Variants in IFT43 observed in about 807,000 individuals in gnomAD.
The protein encoded by IFT43 is intraflagellar transport protein 43 homolog.
A neutral mutation model predicts 32.3 loss-of-function variants in IFT43; 33 were observed. The observed-to-expected ratio is 1.02, with a 90% CI of 0.77 to 1.37. IFT43 has a LOEUF of 1.37. Among genes scored for constraint, IFT43 ranks in the 40% most tolerant of loss-of-function variants. The probability of loss-of-function intolerance (pLI) is 0.00; values close to 1 mark genes in which losing one functional copy is unlikely to be tolerated. For missense variants in IFT43, 274 were observed against 265.9 expected (o/e 1.03, Z -0.21); for synonymous variants, 93 against 98.2 (o/e 0.95, Z 0.31).
At chr14:75,990,236 T>G (rs1005997163) in intron 2 of IFT43, among the ~76,000 whole-genome samples, 3 of 152,232 alleles carry the variant, frequency 2.0e-5, no homozygotes, top group African/African-American at 7.2e-5. Flanking sequence ...CTTCAAGAGA[T>G]GCTGGCAGTC....
intron 4 of IFT43, 192 bp from the exon 5 acceptor site, chr14:76,059,135 G>A: frequency 6.7e-7 from 1 of 1,497,502 alleles, no homozygotes; most frequent in Non-Finnish European, 8.9e-7. Context: ...CTGGAATAGT[G>A]CATCGCACAG....
At chr14:75,996,919 A>C (rs781663970) in intron 2 of IFT43, among the ~76,000 whole-genome samples, 1 of 152,206 alleles carries the variant, frequency 6.6e-6, no homozygotes, top group East Asian at 1.9e-4. Flanking sequence ...CTTGGAATAC[A>C]ATAATTAACC....
rs140777368 is a variant in IFT43, at chr14:76,052,305, A to G, written c.216-6337A>G. Among the ~76,000 whole-genome samples, 42 of 152,292 alleles carry G rather than the reference A, an allele frequency of 2.8e-4. No homozygotes were observed. In the East Asian group the frequency reaches 8.1e-3, roughly 29 times the overall value. ...GTATTCCATTAAACTCGAGAGAAAC[A>G]TTTTAACTGAGGTGATGTCTACATT... On this transcript the variant is annotated intron_variant, in intron 3 of 8. Coordinates refer to ENST00000314067, the MANE Select transcript of IFT43 (RefSeq NM_001102564.3).
chr14:76,027,087 G>A (rs192605070), intron 3 of IFT43, among the ~76,000 whole-genome samples: 86 of 152,166 alleles, frequency 5.7e-4, no homozygotes, highest in Non-Finnish European at 9.3e-4. Flanking sequence ...TTTGAAAGGT[G>A]GAGGGTGGGA....
At chr14:76,026,199 A>G (rs1401659158) in intron 3 of IFT43, among the ~76,000 whole-genome samples, 1 of 152,230 alleles carries the variant, frequency 6.6e-6, no homozygotes, top group African/African-American at 2.4e-5. Context: ...TGATCATTAG[A>G]GAAATGCAAA....
chr14:76,027,492 G>C (rs1322296129), intron 3 of IFT43, among the ~76,000 whole-genome samples: 1 of 152,080 alleles, frequency 6.6e-6, no homozygotes, highest in Non-Finnish European at 1.5e-5. Flanking sequence ...GGTGGATCAC[G>C]AGGTCAGGAG....
intron 4 of IFT43, chr14:76,059,053 G>A: frequency 7.0e-7 from 1 of 1,425,168 alleles, no homozygotes. Context: ...TGCTGTGAAG[G>A]TAGGGCCACC....
intron 1 of IFT43, among the ~76,000 whole-genome samples, chr14:75,986,844 G>A (rs182517495): frequency 5.5e-4 from 83 of 152,202 alleles, no homozygotes; most frequent in African/African-American, 1.8e-3. Context: ...CTGCTGATAC[G>A]TGAATGTTTT....
chr14:76,079,443 G>T (rs954112346), intron 5 of IFT43, among the ~76,000 whole-genome samples: 2 of 152,162 alleles, frequency 1.3e-5, no homozygotes, highest in Non-Finnish European at 2.9e-5. Flanking sequence ...GCGTGAGTCT[G>T]ATCTTCATTT....
chr14:76,047,407 T>C (rs1030332217), intron 3 of IFT43, among the ~76,000 whole-genome samples: 3 of 152,140 alleles, frequency 2.0e-5, no homozygotes, highest in African/African-American at 4.8e-5. Context: ...AGCTATCCTC[T>C]TTCCAACTGC....
intron 5 of IFT43, among the ~76,000 whole-genome samples, chr14:76,065,312 A>G (rs1050926381): frequency 6.6e-6 from 1 of 152,238 alleles, no homozygotes; most frequent in African/African-American, 2.4e-5. Flanking sequence ...TTTACTTCTC[A>G]AAACAAATCA....
chr14:76,015,124 G>C (rs1489773276), intron 2 of IFT43, among the ~76,000 whole-genome samples: 2 of 152,172 alleles, frequency 1.3e-5, no homozygotes, highest in Non-Finnish European at 2.9e-5. Context: ...TTCTGGGGAA[G>C]AGCATATAAC....
chr14:76,042,702 C>T lies in IFT43; in HGVS notation c.216-15940C>T, dbSNP rs377232660. Among the ~76,000 whole-genome samples the T allele has an allele frequency of 1.2e-3, 181 of 152,312 alleles. 5 individuals are homozygous for T. The South Asian group carries it at 0.035, about 30-fold the overall frequency. On this transcript the variant is annotated intron_variant, in intron 3 of 8. Transcript: ENST00000314067. ...TTAGGCTAGTCATTAAGTTCAATTACGCATTGGAAATGATTGTCCCTTCTA... is the reference window on the plus strand; with the variant it reads ...TTAGGCTAGTCATTAAGTTCAATTATGCATTGGAAATGATTGTCCCTTCTA...
intron 3 of IFT43, among the ~76,000 whole-genome samples, chr14:76,052,743 C>T (rs2036938895): frequency 6.6e-6 from 1 of 152,166 alleles, no homozygotes; most frequent in South Asian, 2.1e-4. Flanking sequence ...AGAAAGGTGA[C>T]TTAGCTAGAT....
At chr14:76,068,474 T>C (rs1424462008) in intron 5 of IFT43, among the ~76,000 whole-genome samples, 3 of 152,198 alleles carry the variant, frequency 2.0e-5, no homozygotes, top group African/African-American at 4.8e-5. Flanking sequence ...TACCCACAAC[T>C]ATAGCTGACA....
chr14:76,058,651 G>T lies in IFT43; in HGVS notation c.225G>T (p.Arg75Ser), dbSNP rs779594426. ...TCTTTTTTTTTTTCAGGTTTAGGAG[G>T]AAGGCTTCTGAAGAAATAGAAGAGT... ...GDSVKASKFR[R>S]KASEEIEDFR... is the part of the protein sequence containing the mutation. Residue 75 changes from arginine to serine, a missense_variant, in exon 4 of 9, where the codon AGG becomes AGT. Physicochemically the swap from Arg to Ser is moderately radical, Grantham distance 110. Transcript: ENST00000314067. 6.2e-7 allele frequency: 1 copy of T among 1,612,484 alleles called. No individual in the cohort carries two copies. The highest frequency in any genetic ancestry group is 8.5e-7 in the Non-Finnish European group (1 of 1,179,518).
At chr14:76,078,227 G>A (rs991473833) in intron 5 of IFT43, among the ~76,000 whole-genome samples, 10 of 152,182 alleles carry the variant, frequency 6.6e-5, no homozygotes, top group African/African-American at 2.2e-4. Context: ...AGATGACTGG[G>A]TCTCACGGAA....
intron 3 of IFT43, among the ~76,000 whole-genome samples, chr14:76,042,947 A>C (rs895174038): frequency 6.6e-6 from 1 of 152,142 alleles, no homozygotes; most frequent in African/African-American, 2.4e-5. Flanking sequence ...ACCTTCTCTT[A>C]TTGGGCCACC....
chr14:76,015,823 T>A (rs1566708479), intron 2 of IFT43, among the ~76,000 whole-genome samples: 1 of 152,224 alleles, frequency 6.6e-6, no homozygotes, highest in East Asian at 1.9e-4. Flanking sequence ...CCATTTGATA[T>A]CCGTTAGTAA....
Sources: allele counts gnomAD v4.1 joint callset (sites outside exome capture counted in the v4.1 genomes callset), GRCh38; gene constraint gnomAD v4.1.1; transcripts MANE v1.5; gene names NCBI Gene and HGNC (gene_info 2026-07-23, HGNC 2026-07-21).